Variants in VWC2 observed in about 807,000 individuals in gnomAD.
VWC2 encodes von Willebrand factor C domain containing 2, also known as brorin.
A neutral mutation model predicts 29.8 loss-of-function variants in VWC2; 14 were observed. The ratio of observed to expected loss-of-function variants is 0.47; its 90% CI spans 0.31 to 0.74. The LOEUF (loss-of-function observed/expected upper bound fraction) is 0.74, where lower values mean the gene tolerates loss of function less well. Among genes scored for constraint, VWC2 ranks in the 30% least tolerant of loss-of-function variants. The pLI, the probability that VWC2 is intolerant of heterozygous loss-of-function variation, is 0.05. For missense variants in VWC2, 457 were observed against 459.8 expected, an observed-to-expected ratio of 0.99 and a Z score of 0.05; for synonymous variants, 213 against 199.0, an observed-to-expected ratio of 1.07 and a Z score of -0.59.
intron 3 of VWC2, among the ~76,000 whole-genome samples, chr7:49,897,609 T>G (rs1329595742): frequency 6.6e-6 from 1 of 152,186 alleles, no homozygotes; most frequent in Non-Finnish European, 1.5e-5. Context: ...CTTGGATCCC[T>G]CAGAGGTCAC....
At chr7:49,855,288 G>T (rs1454372484) in intron 3 of VWC2, among the ~76,000 whole-genome samples, 3 of 152,164 alleles carry the variant, frequency 2.0e-5, no homozygotes, top group African/African-American at 7.2e-5. Context: ...GGACGGTGTA[G>T]TCTCTTTCTT....
At chr7:49,795,347 A>G (rs921748063) in intron 2 of VWC2, among the ~76,000 whole-genome samples, 2 of 152,148 alleles carry the variant, frequency 1.3e-5, no homozygotes, top group African/African-American at 4.8e-5. Flanking sequence ...AGAGAGTTAG[A>G]CGTCTGGAAT....
In VWC2 at chr7:49,775,651, C is replaced by T; in HGVS notation, c.216C>T (p.Ser72=). 1 of 1,527,512 alleles carries T rather than the reference C, an allele frequency of 6.5e-7. No individual in the cohort carries two copies. Among genetic ancestry groups the T allele is most frequent in the Non-Finnish European group, 8.8e-7 (1 of 1,140,420 alleles). 94.6% of individuals were successfully genotyped at this position (1,527,512 alleles called of 1,614,324 possible). A position where few individuals can be genotyped will look rare whatever the true frequency, so the allele number is the denominator to read the frequency against. Residue 72 remains serine, a synonymous_variant, in exon 2 of 4, where the codon AGC becomes AGT. Transcript: ENST00000340652. Reference sequence around the variant, plus strand: ...GCCCGGCGAGGGACGAGGGCGGCAGCGGCCGGGACTGGAAGAGCAAGAGCG... The same window carrying T: ...GCCCGGCGAGGGACGAGGGCGGCAGTGGCCGGGACTGGAAGAGCAAGAGCG... ...LGRPARDEGG[S]GRDWKSKSGR...
intron 2 of VWC2, among the ~76,000 whole-genome samples, 179 bp downstream of exon 2, chr7:49,776,310 A>G (rs1428363627): frequency 6.6e-6 from 1 of 152,218 alleles, no homozygotes; most frequent in Non-Finnish European, 1.5e-5. Context: ...AATCCTTCCC[A>G]GAGCACTGTG....
intron 3 of VWC2, among the ~76,000 whole-genome samples, chr7:49,895,140 T>C (rs1005856184): frequency 1.3e-5 from 2 of 152,224 alleles, no homozygotes; most frequent in African/African-American, 2.4e-5. Flanking sequence ...ACTTGCAGAT[T>C]TGGTGTTTGG....
At chr7:49,853,837 T>C (rs1790298866) in intron 3 of VWC2, among the ~76,000 whole-genome samples, 1 of 151,706 alleles carries the variant, frequency 6.6e-6, no homozygotes, top group East Asian at 2.0e-4. Flanking sequence ...TTACATTAGG[T>C]ATATCTCCTA....
At chr7:49,902,762 G>T (rs1374922177) in intron 3 of VWC2, among the ~76,000 whole-genome samples, 1 of 151,916 alleles carries the variant, frequency 6.6e-6, no homozygotes, top group Non-Finnish European at 1.5e-5. Context: ...GCATTTGATC[G>T]CATTGAAATA....
At chr7:49,802,589 G>T in intron 2 of VWC2, 122 bp from the exon 3 acceptor site, 1 of 1,348,234 alleles carries the variant, frequency 7.4e-7, no homozygotes, top group South Asian at 1.3e-5. Flanking sequence ...GGTGAGCCGA[G>T]ATCGCACCAC....
chr7:49,828,184 T>A (rs181762256), intron 3 of VWC2, among the ~76,000 whole-genome samples: 1 of 152,372 alleles, frequency 6.6e-6, no homozygotes, highest in East Asian at 1.9e-4. Context: ...ATCCGTGCTG[T>A]GCCTATTTGT....
chr7:49,835,967 T>C (rs1789647866), intron 3 of VWC2, among the ~76,000 whole-genome samples: 1 of 152,204 alleles, frequency 6.6e-6, no homozygotes, highest in South Asian at 2.1e-4. Flanking sequence ...TAAATTGCTT[T>C]AGAAGAAAAT....
chr7:49,813,924 T>C (rs1789070713), intron 3 of VWC2, among the ~76,000 whole-genome samples: 1 of 152,210 alleles, frequency 6.6e-6, no homozygotes, highest in African/African-American at 2.4e-5. Flanking sequence ...ATTCTGTTTT[T>C]CTTGGTGCTG....
chr7:49,896,292 G>C (rs929092455), intron 3 of VWC2, among the ~76,000 whole-genome samples: 1 of 152,168 alleles, frequency 6.6e-6, no homozygotes, highest in Non-Finnish European at 1.5e-5. Context: ...AGTGAGCTGA[G>C]ATTGCACCAC....
At chr7:49,853,785 T>C (rs1020012270) in intron 3 of VWC2, among the ~76,000 whole-genome samples, 1 of 152,162 alleles carries the variant, frequency 6.6e-6, no homozygotes, top group African/African-American at 2.4e-5. Flanking sequence ...TACATATGTA[T>C]ACGTGTGCCA....
intron 3 of VWC2, among the ~76,000 whole-genome samples, chr7:49,840,467 C>A (rs191658176): frequency 2.0e-5 from 3 of 152,208 alleles, no homozygotes; most frequent in South Asian, 4.2e-4. Context: ...TGCTTGGTAG[C>A]CCCCAGCATG....
intron 3 of VWC2, among the ~76,000 whole-genome samples, chr7:49,837,444 C>T (rs1383514809): frequency 1.3e-5 from 2 of 152,188 alleles, no homozygotes; most frequent in African/African-American, 4.8e-5. Flanking sequence ...ATGTGAAGGA[C>T]TTTTGGGTCC....
intron 2 of VWC2, among the ~76,000 whole-genome samples, chr7:49,790,331 T>A (rs575413454): frequency 6.6e-6 from 1 of 152,336 alleles, no homozygotes; most frequent in Admixed American, 6.5e-5. Flanking sequence ...GTATTCTTAA[T>A]CTATTGTGTT....
At chr7:49,842,643 A>T (rs1218191497) in intron 3 of VWC2, among the ~76,000 whole-genome samples, 1 of 152,208 alleles carries the variant, frequency 6.6e-6, no homozygotes, top group East Asian at 1.9e-4. Flanking sequence ...GTATACTTGC[A>T]GAATAATTGT....
intron 3 of VWC2, among the ~76,000 whole-genome samples, chr7:49,892,138 G>A (rs1484394288): frequency 6.8e-6 from 1 of 146,550 alleles, no homozygotes; most frequent in Non-Finnish European, 1.5e-5. Flanking sequence ...TCCGCCTCCC[G>A]GGTTCACGCC....
chr7:49,845,969 C>T (rs979720491), intron 3 of VWC2, among the ~76,000 whole-genome samples: 2 of 152,200 alleles, frequency 1.3e-5, no homozygotes, highest in African/African-American at 4.8e-5. Flanking sequence ...ATATTTTGTT[C>T]TAAATGCTTC....
Sources: allele counts gnomAD v4.1 joint callset (sites outside exome capture counted in the v4.1 genomes callset), GRCh38; gene constraint gnomAD v4.1.1; transcripts MANE v1.5; gene names NCBI Gene and HGNC (gene_info 2026-07-23, HGNC 2026-07-21).